PKNOX2: variants seen among roughly 807,000 people sequenced by gnomAD.
The protein encoded by PKNOX2 is PBX/knotted 1 homeobox 2, also known as homeobox protein PKNOX2.
Under a neutral mutation model 53.1 loss-of-function variants are expected in PKNOX2, and 14 were observed. The observed-to-expected ratio is 0.26, with a 90% CI of 0.17 to 0.41. The LOEUF is 0.41. Among genes scored for constraint, PKNOX2 ranks in the 10% least tolerant of loss-of-function variants. The pLI, the probability that PKNOX2 is intolerant of heterozygous loss-of-function variation, is 1.00. For missense variants in PKNOX2, 496 were observed against 602.8 expected (o/e 0.82, Z 1.85); for synonymous variants, 257 against 242.8 (o/e 1.06, Z -0.54).
intron 2 of PKNOX2, among the ~76,000 whole-genome samples, chr11:125,319,237 C>T (rs1949380103): frequency 6.6e-6 from 1 of 152,128 alleles, no homozygotes; most frequent in South Asian, 2.1e-4. Context: ...TGATTAAGTT[C>T]ACCATCTTAT....
intron 3 of PKNOX2, among the ~76,000 whole-genome samples, chr11:125,341,946 A>T (rs2136158211): frequency 6.6e-6 from 1 of 152,282 alleles, no homozygotes; most frequent in Middle Eastern, 3.4e-3. Flanking sequence ...GTGAGGACCA[A>T]GGGTGGGGCA....
intron 1 of PKNOX2, among the ~76,000 whole-genome samples, chr11:125,207,216 C>A (rs149911066): frequency 3.3e-5 from 5 of 152,116 alleles, no homozygotes; most frequent in Non-Finnish European, 5.9e-5. Flanking sequence ...TCCCTTCCTT[C>A]CACCCTCCCT....
At chr11:125,267,885 G>A (rs117516313) in intron 2 of PKNOX2, among the ~76,000 whole-genome samples, 2 of 152,312 alleles carry the variant, frequency 1.3e-5, no homozygotes, top group Non-Finnish European at 2.9e-5. Context: ...AGAACAAGGC[G>A]CTCATCAACA....
chr11:125,213,181 C>T lies in PKNOX2; in HGVS notation c.-200-21864C>T, dbSNP rs143355719. 3.9e-4 allele frequency among the ~76,000 whole-genome samples: 59 copies of T among 152,176 alleles called. 1 individual carries two copies. Among genetic ancestry groups the T allele is most frequent in the Non-Finnish European group, 7.5e-4 (51 of 67,968 alleles). On this transcript the variant is annotated intron_variant, in intron 1 of 12. Coordinates refer to ENST00000298282, the MANE Select transcript of PKNOX2 (RefSeq NM_001382323.2). ...TTCAAAATGCTATCATCCTTTGTGG[C>T]GTCCCTTTGTGTCTAAGCCCCAAGT...
At chr11:125,357,614 A>G (rs932951595) in intron 4 of PKNOX2, among the ~76,000 whole-genome samples, 5 of 152,076 alleles carry the variant, frequency 3.3e-5, no homozygotes. Flanking sequence ...AGGACCTTAC[A>G]TGCTCTGCCT....
chr11:125,350,540 C>T (rs1376811093), intron 3 of PKNOX2, among the ~76,000 whole-genome samples: 1 of 152,196 alleles, frequency 6.6e-6, no homozygotes, highest in Non-Finnish European at 1.5e-5. Context: ...TTCCGGTGAC[C>T]GTACTGAACC....
chr11:125,385,117 G>A (rs1344083087), intron 5 of PKNOX2, among the ~76,000 whole-genome samples: 2 of 152,172 alleles, frequency 1.3e-5, no homozygotes, highest in African/African-American at 4.8e-5. Context: ...GCCACCCTTA[G>A]CTGGCTCCAG....
intron 2 of PKNOX2, among the ~76,000 whole-genome samples, chr11:125,295,555 T>C (rs1376434476): frequency 1.3e-5 from 2 of 152,010 alleles, no homozygotes; most frequent in Non-Finnish European, 2.9e-5. Flanking sequence ...GGTTGAAGGA[T>C]GAGGGCACAG....
intron 2 of PKNOX2, among the ~76,000 whole-genome samples, chr11:125,286,164 G>A (rs529126431): frequency 1.4e-4 from 21 of 152,274 alleles, no homozygotes; most frequent in Middle Eastern, 3.4e-3. Flanking sequence ...GTGGATGCAC[G>A]GGAAGAAAGG....
At chr11:125,274,841 A>T (rs1946049905) in intron 2 of PKNOX2, among the ~76,000 whole-genome samples, 1 of 151,954 alleles carries the variant, frequency 6.6e-6, no homozygotes, top group Non-Finnish European at 1.5e-5. Context: ...ATAACACCCA[A>T]CTCCAAGTTG....
chr11:125,338,621 G>C (rs1343793500), intron 3 of PKNOX2, among the ~76,000 whole-genome samples: 1 of 152,194 alleles, frequency 6.6e-6, no homozygotes, highest in East Asian at 1.9e-4. Flanking sequence ...GAGACACTTT[G>C]TTCCTTTTCC....
chr11:125,168,229 T>G (rs191197254), intron 1 of PKNOX2, among the ~76,000 whole-genome samples: 1 of 152,356 alleles, frequency 6.6e-6, no homozygotes, highest in Admixed American at 6.5e-5. Flanking sequence ...TCAGTGCTTT[T>G]TGCTTTTTCA....
chr11:125,346,418 C>T (rs1003173653), intron 3 of PKNOX2, among the ~76,000 whole-genome samples: 5 of 152,232 alleles, frequency 3.3e-5, no homozygotes, highest in African/African-American at 4.8e-5. Context: ...GGGGAAATCC[C>T]TTCATTCTGC....
intron 4 of PKNOX2, among the ~76,000 whole-genome samples, chr11:125,359,014 T>C (rs184007354): frequency 0.012 from 1,878 of 151,516 alleles, 46 homozygotes; most frequent in African/African-American, 0.041. Context: ...GAGTTGAAGC[T>C]GCAGCTGGGT....
chr11:125,383,313 A>C (rs1425266234), intron 5 of PKNOX2, among the ~76,000 whole-genome samples: 1 of 151,696 alleles, frequency 6.6e-6, no homozygotes, highest in African/African-American at 2.4e-5. Flanking sequence ...TGTTTGCCTT[A>C]CTTGTTGTGT....
intron 2 of PKNOX2, among the ~76,000 whole-genome samples, chr11:125,279,568 G>T (rs961659096): frequency 2.6e-5 from 4 of 152,192 alleles, no homozygotes; most frequent in Non-Finnish European, 4.4e-5. Flanking sequence ...TGTCTGTCCC[G>T]TGGCCCCAGC....
chr11:125,307,834 G>A (rs189361948), intron 2 of PKNOX2, among the ~76,000 whole-genome samples: 33 of 152,338 alleles, frequency 2.2e-4, no homozygotes, highest in African/African-American at 7.9e-4. Context: ...CCCTCAAGGA[G>A]TTTGCTCCCT....
chr11:125,409,822 C>T (rs1955388530), intron 7 of PKNOX2, among the ~76,000 whole-genome samples: 1 of 152,000 alleles, frequency 6.6e-6, no homozygotes, highest in Non-Finnish European at 1.5e-5. Context: ...AAGAAAAAAT[C>T]CAGAGCCCAG....
intron 2 of PKNOX2, among the ~76,000 whole-genome samples, chr11:125,254,830 A>G (rs1260441321): frequency 6.6e-6 from 1 of 152,158 alleles, no homozygotes; most frequent in African/African-American, 2.4e-5. Context: ...TGAGGTCCCA[A>G]GGGGCTCTTG....
Sources: allele counts gnomAD v4.1 joint callset (sites outside exome capture counted in the v4.1 genomes callset), GRCh38; gene constraint gnomAD v4.1.1; transcripts MANE v1.5; gene names NCBI Gene and HGNC (gene_info 2026-07-23, HGNC 2026-07-21).